Variants in ATXN2 observed in about 807,000 individuals in gnomAD.
The protein encoded by ATXN2 is ataxin 2.
A neutral mutation model predicts 138.6 loss-of-function variants in ATXN2; 37 were observed. The ratio of observed to expected loss-of-function variants is 0.27; its 90% CI spans 0.21 to 0.35. The LOEUF is 0.35. Ranked by LOEUF, ATXN2 falls within the 10% of genes least tolerant of loss-of-function variation. The pLI is 1.00. For synonymous variants in ATXN2, 549 were observed against 543.7 expected, an observed-to-expected ratio of 1.01 and a Z score of -0.13; for missense variants, 1,216 against 1,480.3, an observed-to-expected ratio of 0.82 and a Z score of 2.93.
rs758907138 is a variant in ATXN2 at position 111,552,888 on chromosome 12, A to G, written c.420+18T>C. ...TGTTCTTTTACTTTGTAAGAAAAAG[A>G]AAAAAAGTAAAAATTACCTTCGGAC... On this transcript the variant is annotated intron_variant, in intron 4 of 24. Coordinates refer to ENST00000673436, the MANE Select transcript of ATXN2 (RefSeq NM_001372574.1). This position sits in a 1 kb window ranked among gnomAD's most constrained non-coding sequence, Gnocchi z 4.1. 1.9e-5 allele frequency: 29 copies of G among 1,501,456 alleles called. No individual in the cohort carries two copies. The South Asian group carries it at 2.5e-4, about 13-fold the overall frequency. The allele number at this position is 1,501,456 out of a possible 1,614,324, so 93.0% of individuals were successfully genotyped here.
At chr12:111,531,881 A>C (rs961892473) in intron 5 of ATXN2, among the ~76,000 whole-genome samples, 1 of 152,218 alleles carries the variant, frequency 6.6e-6, no homozygotes, top group African/African-American at 2.4e-5. Flanking sequence ...AATGTACTTA[A>C]ATTCGTAAAA....
chr12:111,453,687 C>T lies in ATXN2; in HGVS notation c.3429G>A (p.Thr1143=), dbSNP rs267603309. Residue 1143 remains threonine (T), a synonymous_variant, in exon 24 of 25, where the codon ACG becomes ACA. Coordinates refer to ENST00000673436, the MANE Select transcript of ATXN2 (RefSeq NM_001372574.1). The surrounding 1 kb of genome is among the most constrained non-coding windows in gnomAD (Gnocchi z 5.4). ...VSTTAHFPYM[T]HPSVQAHHQQ... ...ACACACACGCCTCACCTGAAGGGTG[C>T]GTCATATAGGGGAAATGCGCTGTTG... 3.1e-6 allele frequency: 5 copies of T among 1,604,152 alleles called. No individual in the cohort carries two copies. The highest frequency in any genetic ancestry group is 3.4e-6 in the Non-Finnish European group (4 of 1,174,644).
rs1874857809 is a variant in ATXN2, at chr12:111,453,786, T to A, written c.3330A>T (p.Leu1110=). The A allele has an allele frequency of 6.2e-7, 1 of 1,613,998 alleles. No homozygotes were observed. Among genetic ancestry groups the A allele is most frequent in the Admixed American group, 1.7e-5 (1 of 59,986 alleles). ...GACCGCCGGGTGGCTGTGTCGTCAT[T>A]AGCATCATTGGCGCATGGGCAGTTG... is the stretch of plus-strand genomic sequence containing the variant. The part of the protein sequence containing the change: ...SHPTAHAPMM[L]MTTQPPGGPQ... The change falls in exon 24 of 25, where the codon CTA becomes CTT. Residue 1110 remains leucine, a synonymous_variant. Coordinates refer to ENST00000673436, the MANE Select transcript of ATXN2 (RefSeq NM_001372574.1). The surrounding 1 kb of genome is among the most constrained non-coding windows in gnomAD (Gnocchi z 5.4).
intron 5 of ATXN2, among the ~76,000 whole-genome samples, chr12:111,531,463 A>G (rs952091322): frequency 6.6e-6 from 1 of 152,234 alleles, no homozygotes; most frequent in East Asian, 1.9e-4. Context: ...GTGTATAAAC[A>G]TTTTCTGAAT....
At chr12:111,525,952 G>C (rs1242214141) in intron 5 of ATXN2, among the ~76,000 whole-genome samples, 1 of 151,856 alleles carries the variant, frequency 6.6e-6, no homozygotes, top group Non-Finnish European at 1.5e-5. Flanking sequence ...AAAGTGCTGG[G>C]ATTACAGGCA....
At chr12:111,504,680 A>G (rs1013907132) in intron 14 of ATXN2, among the ~76,000 whole-genome samples, 14 of 152,210 alleles carry the variant, frequency 9.2e-5, no homozygotes, top group African/African-American at 2.2e-4. Context: ...AAAAATGGTT[A>G]TAAGTGTATG....
At position 111,598,506 on chromosome 12, in the gene ATXN2, G is replaced by A; in HGVS notation, c.251+278C>T. The stretch of plus-strand genomic sequence containing the variant: ...GCTACCCGAGAACCCCTCCCAACAC[G>A]CGTGGGGAGGGGAGGCCGCCCGCTC... On this transcript the variant is annotated intron_variant, in intron 1 of 24. Coordinates refer to ENST00000673436, the MANE Select transcript of ATXN2 (RefSeq NM_001372574.1). This position sits in a 1 kb window ranked among gnomAD's most constrained non-coding sequence, Gnocchi z 4.5. 4 of 984,794 alleles carry A rather than the reference G, an allele frequency of 4.1e-6. No homozygotes were observed. The highest frequency in any genetic ancestry group is 4.8e-6 in the Non-Finnish European group (4 of 829,790). The allele number at this position is 984,794 out of a possible 1,614,324, so 61.0% of individuals were successfully genotyped here.
At chr12:111,532,104 T>C (rs1429539869) in intron 5 of ATXN2, among the ~76,000 whole-genome samples, 2 of 152,206 alleles carry the variant, frequency 1.3e-5, no homozygotes, top group Admixed American at 6.5e-5. Context: ...TAATCCCAGC[T>C]ACTCAGGAGG....
chr12:111,454,111 C>T, intron 23 of ATXN2: 1 of 322,650 alleles, frequency 3.1e-6, no homozygotes. Context: ...TAACCCTTGA[C>T]ATTTCTGATC....
At chr12:111,524,401 C>T (rs965466374) in intron 6 of ATXN2, among the ~76,000 whole-genome samples, 4 of 152,150 alleles carry the variant, frequency 2.6e-5, no homozygotes, top group African/African-American at 7.2e-5. Flanking sequence ...TTTGGCAAGA[C>T]ACTTTGCTTT....
At chr12:111,486,626 C>T in intron 16 of ATXN2, 135 bp downstream of exon 16, 1 of 655,588 alleles carries the variant, frequency 1.5e-6, no homozygotes, top group Non-Finnish European at 2.6e-6. Context: ...TCATTAATGG[C>T]CATGTAAAAA....
At chr12:111,599,327 G>T, upstream of ATXN2, 1 of 1,174,082 alleles carries the variant, frequency 8.5e-7, no homozygotes, top group Non-Finnish European at 1.1e-6. Flanking sequence ...CCGGGAGGGA[G>T]GGGGGCCGGG....
intron 14 of ATXN2, among the ~76,000 whole-genome samples, chr12:111,498,786 G>C (rs188656857): frequency 3.6e-4 from 55 of 152,134 alleles, no homozygotes; most frequent in Admixed American, 1.7e-3. Context: ...GAACAAAACG[G>C]GAGGAATCAT....
At chr12:111,470,492 C>A in intron 19 of ATXN2, 66 bp downstream of exon 19, 1 of 1,553,450 alleles carries the variant, frequency 6.4e-7, no homozygotes, top group South Asian at 1.1e-5. Flanking sequence ...AAGGAAAATC[C>A]CTTTACCATA....
chr12:111,599,564 G>A (rs1224042766), upstream of ATXN2: 7 of 1,159,032 alleles, frequency 6.0e-6, no homozygotes. Context: ...GTGCGGATAG[G>A]GACTCTTTAC....
intron 1 of ATXN2, among the ~76,000 whole-genome samples, chr12:111,595,853 A>T (rs1428761238): frequency 6.9e-6 from 1 of 145,942 alleles, no homozygotes; most frequent in African/African-American, 2.8e-5. Context: ...TGAGGTCAGG[A>T]GGAGTTCGAG....
intron 14 of ATXN2, among the ~76,000 whole-genome samples, chr12:111,493,543 G>GTT (rs750302340): frequency 6.6e-6 from 1 of 151,332 alleles, no homozygotes; most frequent in Non-Finnish European, 1.5e-5. Context: ...ACAGAATATT[G>GTT]TAACACTGTA....
intron 20 of ATXN2, 148 bp from the exon 21 acceptor site, chr12:111,464,863 C>A: frequency 1.6e-6 from 1 of 621,444 alleles, no homozygotes; most frequent in Non-Finnish European, 2.9e-6. Context: ...AACACTGCTA[C>A]AGAATTTTAA....
intron 1 of ATXN2, among the ~76,000 whole-genome samples, chr12:111,588,762 C>T: frequency 6.6e-6 from 1 of 151,402 alleles, no homozygotes; most frequent in Non-Finnish European, 1.5e-5. Context: ...GAAGCCGAGG[C>T]GGGCAGATCA....
Sources: gnomAD v4.1 joint callset for allele counts (sites outside exome capture counted in the v4.1 genomes callset) on GRCh38, gnomAD v4.1.1 for gene constraint, Gnocchi (gnomAD v3.1) non-coding constraint, MANE v1.5 for transcripts, NCBI Gene and HGNC (gene_info 2026-07-23, HGNC 2026-07-21) for gene names.